CADM1: variants seen among roughly 807,000 people sequenced by gnomAD.
CADM1 encodes the protein cell adhesion molecule 1, also known as TSLC-1.
In CADM1, 15 loss-of-function variants were observed where a neutral mutation model predicts 53.1. The observed-to-expected ratio is 0.28, with a 90% CI of 0.19 to 0.44. The LOEUF is 0.44. CADM1 is among the 20% of genes least tolerant of loss of function. The pLI is 1.00. For synonymous variants in CADM1, 281 were observed against 243.0 expected, an observed-to-expected ratio of 1.16 and a Z score of -1.45; for missense variants, 434 against 611.3, an observed-to-expected ratio of 0.71 and a Z score of 3.06.
chr11:115,240,350 T>C lies in CADM1; in HGVS notation c.195A>G (p.Gln65=). The change falls in exon 2 of 12, where the codon CAA becomes CAG. Residue 65 remains glutamine (Q), a synonymous_variant. Transcript: ENST00000331581. ...TCACAGAGTCGTCACTCTTATTGAC[T>C]TGGCAACTGATGGTCGCAACCTCTC... ...IEGEVATISC[Q]VNKSDDSVIQ... 2 of 1,613,828 alleles carry C rather than the reference T, an allele frequency of 1.2e-6. No individual in the cohort carries two copies. Among genetic ancestry groups the C allele is most frequent in the Non-Finnish European group, 1.7e-6 (2 of 1,179,864 alleles).
chr11:115,413,281 GATT>G (rs1380216595), intron 1 of CADM1, among the ~76,000 whole-genome samples: 4 of 152,136 alleles, frequency 2.6e-5, no homozygotes, highest in African/African-American at 9.7e-5. Context: ...ATATTTCTGA[GATT>G]ATTACTTCGT....
chr11:115,490,597 A>C (rs962646647), intron 1 of CADM1, among the ~76,000 whole-genome samples: 4 of 151,920 alleles, frequency 2.6e-5, no homozygotes, highest in Non-Finnish European at 4.4e-5. Flanking sequence ...ACAGGGTTTC[A>C]CCATATTGGC....
chr11:115,373,606 A>AAG (rs1555074957), intron 1 of CADM1, among the ~76,000 whole-genome samples: 4 of 119,092 alleles, frequency 3.4e-5, no homozygotes, highest in East Asian at 2.2e-4. Context: ...AAAAAAAAAA[A>AAG]AAGAAGAAGA....
At chr11:115,430,808 A>T (rs1305315372) in intron 1 of CADM1, among the ~76,000 whole-genome samples, 1 of 152,212 alleles carries the variant, frequency 6.6e-6, no homozygotes, top group African/African-American at 2.4e-5. Flanking sequence ...TCCAGATAAA[A>T]TAAATTACTC....
At chr11:115,332,913 C>G (rs1945170322) in intron 1 of CADM1, among the ~76,000 whole-genome samples, 1 of 152,058 alleles carries the variant, frequency 6.6e-6, no homozygotes, top group Non-Finnish European at 1.5e-5. Context: ...CTGCGCTTCC[C>G]TAAGACCATC....
intron 1 of CADM1, among the ~76,000 whole-genome samples, chr11:115,300,910 G>A (rs1050921134): frequency 1.4e-4 from 22 of 152,012 alleles, no homozygotes; most frequent in South Asian, 2.1e-4. Context: ...CAAAAGTTCC[G>A]AGGAGAAGGG....
At position 115,174,044 on chromosome 11, in the gene CADM1, C is replaced by T; in HGVS notation, c.*2430G>A. On this transcript the variant is annotated 3_prime_UTR_variant, in exon 12 of 12. Coordinates refer to ENST00000331581, the MANE Select transcript of CADM1 (RefSeq NM_001301043.2). ...AATATACAACTAAAATCCATAATTT[C>T]CTGTTTTTGCTTTGTTTTATTATTA... 3.1e-6 allele frequency: 3 copies of T among 976,670 alleles called. No individual in the cohort carries two copies. Among genetic ancestry groups the T allele is most frequent in the Non-Finnish European group, 3.6e-6 (3 of 822,120 alleles). 60.5% of individuals were successfully genotyped at this position (976,670 alleles called of 1,614,324 possible).
chr11:115,286,692 A>G lies in CADM1; in HGVS notation c.125-46272T>C, dbSNP rs147159459. On this transcript the variant is annotated intron_variant, in intron 1 of 11. Transcript: ENST00000331581. ...ATACATTCTGGTAGTTCAATTTGTT[A>G]TGTTCTGCATAGGGCCTGTCTTTAC... Among the ~76,000 whole-genome samples, 145 of 152,284 alleles carry G rather than the reference A, an allele frequency of 9.5e-4. 2 individuals carry two copies. Among genetic ancestry groups the G allele is most frequent in the African/African-American group, 3.4e-3 (143 of 41,564 alleles).
chr11:115,407,929 G>C (rs1410451175), intron 1 of CADM1, among the ~76,000 whole-genome samples: 1 of 126,552 alleles, frequency 7.9e-6, no homozygotes, highest in Non-Finnish European at 1.6e-5. Flanking sequence ...TTGAGTTTTT[G>C]TGTATTGAAG....
At chr11:115,252,830 C>G (rs1161724355) in intron 1 of CADM1, among the ~76,000 whole-genome samples, 1 of 152,126 alleles carries the variant, frequency 6.6e-6, no homozygotes, top group Non-Finnish European at 1.5e-5. Flanking sequence ...ATAACTAAAC[C>G]TCTCTTTAAA....
chr11:115,257,164 T>C (rs1374671615), intron 1 of CADM1, among the ~76,000 whole-genome samples: 1 of 147,238 alleles, frequency 6.8e-6, no homozygotes, highest in Non-Finnish European at 1.5e-5. Context: ...TTTAAAAAAG[T>C]TTTTTTTTAA....
intron 1 of CADM1, among the ~76,000 whole-genome samples, chr11:115,466,328 T>C (rs532512115): frequency 1.8e-4 from 27 of 152,354 alleles, no homozygotes; most frequent in African/African-American, 5.5e-4. Flanking sequence ...ATCAATGTAC[T>C]CAGCATTATC....
chr11:115,435,601 C>A (rs1948166392), intron 1 of CADM1, among the ~76,000 whole-genome samples: 1 of 152,108 alleles, frequency 6.6e-6, no homozygotes, highest in Admixed American at 6.5e-5. Flanking sequence ...GGCGTGACAG[C>A]TGGTGCCTAT....
At chr11:115,504,205 C>T in intron 1 of CADM1, 66 bp downstream of exon 1, 2 of 1,551,202 alleles carry the variant, frequency 1.3e-6, no homozygotes, top group Non-Finnish European at 1.7e-6. Flanking sequence ...TTTCCCCCCT[C>T]TGTGGCCAAG....
At chr11:115,184,391 AAT>A (rs1449081270) in intron 10 of CADM1, among the ~76,000 whole-genome samples, 15 of 152,342 alleles carry the variant, frequency 9.8e-5, no homozygotes, top group South Asian at 2.1e-4. Flanking sequence ...TGCTAATCCT[AAT>A]ATGTTATTCT....
chr11:115,343,505 T>C (rs1315122483), intron 1 of CADM1, among the ~76,000 whole-genome samples: 1 of 152,114 alleles, frequency 6.6e-6, no homozygotes, highest in Non-Finnish European at 1.5e-5. Context: ...ATACAGTCTC[T>C]TCCCATTTAT....
At chr11:115,353,569 C>G (rs1235151551) in intron 1 of CADM1, among the ~76,000 whole-genome samples, 1 of 152,196 alleles carries the variant, frequency 6.6e-6, no homozygotes. Flanking sequence ...AGCTCCTTCT[C>G]TCATGTCAAC....
At chr11:115,342,339 T>C (rs78505327) in intron 1 of CADM1, among the ~76,000 whole-genome samples, 1 of 152,298 alleles carries the variant, frequency 6.6e-6, no homozygotes, top group East Asian at 1.9e-4. Flanking sequence ...CTGTCTTAAG[T>C]AATACACGAT....
intron 1 of CADM1, among the ~76,000 whole-genome samples, chr11:115,251,236 T>C (rs535683097): frequency 2.0e-5 from 3 of 152,366 alleles, no homozygotes; most frequent in African/African-American, 7.2e-5. Context: ...TTCATTAGTA[T>C]TGACAGTCTA....
Sources: gnomAD v4.1 joint callset for allele counts (sites outside exome capture counted in the v4.1 genomes callset) on GRCh38, gnomAD v4.1.1 for gene constraint, MANE v1.5 for transcripts, NCBI Gene and HGNC (gene_info 2026-07-23, HGNC 2026-07-21) for gene names.